Variants in PDE3B observed in about 807,000 individuals in gnomAD.
PDE3B encodes the protein phosphodiesterase 3B.
A neutral mutation model predicts 116.8 loss-of-function variants in PDE3B; 66 were observed. The ratio of observed to expected loss-of-function variants is 0.56; its 90% CI spans 0.46 to 0.69. The LOEUF is 0.69. Ranked by LOEUF, PDE3B falls within the 30% of genes least tolerant of loss-of-function variation. The probability of loss-of-function intolerance (pLI) is 0.00; values close to 1 mark genes in which losing one functional copy is unlikely to be tolerated. For synonymous variants in PDE3B, 595 were observed against 533.6 expected (o/e 1.12, Z -1.59); for missense variants, 1,384 against 1,368.1 (o/e 1.01, Z -0.18).
chr11:14,795,491 G>A (rs1858525240), intron 4 of PDE3B, among the ~76,000 whole-genome samples: 1 of 152,104 alleles, frequency 6.6e-6, no homozygotes, highest in African/African-American at 2.4e-5. Context: ...CTGGTGCTGG[G>A]CCAGGACATG....
Position 14,869,758 on chromosome 11 carries a change from C to A in PDE3B, c.*98C>A. ...CTAGTGTTCACCGGCTGACTCTCAA[C>A]TGACCATTCCCATGTGGACAGGCCT... is the stretch of plus-strand genomic sequence containing the variant. On this transcript the variant is annotated 3_prime_UTR_variant, in exon 16 of 16. Transcript: ENST00000282096. 1.1e-6 allele frequency: 1 copy of A among 938,422 alleles called. No homozygotes were observed. The highest frequency in any genetic ancestry group is 1.6e-6 in the Non-Finnish European group (1 of 616,706). The allele number at this position is 938,422 out of a possible 1,614,324, so 58.1% of individuals were successfully genotyped here.
At chr11:14,698,217 C>G (rs1161881094) in intron 1 of PDE3B, among the ~76,000 whole-genome samples, 1 of 151,516 alleles carries the variant, frequency 6.6e-6, no homozygotes, top group African/African-American at 2.4e-5. Flanking sequence ...CCTTCCATTC[C>G]TAGGTTACCA....
intron 5 of PDE3B, among the ~76,000 whole-genome samples, chr11:14,814,370 T>A (rs970836262): frequency 1.3e-5 from 2 of 152,168 alleles, no homozygotes; most frequent in African/African-American, 2.4e-5. Context: ...TAGAAGGCTC[T>A]AAAAATATAG....
chr11:14,793,699 G>A (rs183390339), intron 4 of PDE3B, among the ~76,000 whole-genome samples: 77 of 152,222 alleles, frequency 5.1e-4, no homozygotes, highest in Middle Eastern at 6.8e-3. Context: ...TACCCTGTGG[G>A]CTATCAATTA....
the PDE3B span, chr11:14,879,184 G>C: frequency 1.2e-6 from 2 of 1,613,258 alleles, no homozygotes; most frequent in Non-Finnish European, 1.7e-6. Flanking sequence ...GCTCAGGATG[G>C]AACACTTCTG....
chr11:14,845,644 A>C (rs1021397987), intron 12 of PDE3B, among the ~76,000 whole-genome samples: 1 of 152,250 alleles, frequency 6.6e-6, no homozygotes, highest in Admixed American at 6.5e-5. Flanking sequence ...AAGTGCTTAA[A>C]GGAGCTGATG....
At chr11:14,650,379 C>CT (rs1211534651) in intron 1 of PDE3B, among the ~76,000 whole-genome samples, 7 of 151,710 alleles carry the variant, frequency 4.6e-5, no homozygotes, top group East Asian at 3.9e-4. Context: ...ATTTTTGTAT[C>CT]TTTTTTTTGT....
intron 1 of PDE3B, among the ~76,000 whole-genome samples, chr11:14,718,168 CAAAG>C (rs1326239419): frequency 3.8e-5 from 4 of 105,690 alleles, no homozygotes; most frequent in South Asian, 3.9e-4. Flanking sequence ...TCAAAAGAGA[CAAAG>C]AAGGCCATTA....
intron 1 of PDE3B, among the ~76,000 whole-genome samples, chr11:14,714,990 T>A (rs1855834179): frequency 6.6e-6 from 1 of 152,142 alleles, no homozygotes; most frequent in Admixed American, 6.5e-5. Context: ...GCAAATGAAT[T>A]TTGATATTGC....
intron 1 of PDE3B, among the ~76,000 whole-genome samples, chr11:14,696,441 C>T (rs2133812244): frequency 6.6e-6 from 1 of 152,272 alleles, no homozygotes; most frequent in Non-Finnish European, 1.5e-5. Context: ...ATTTGCTTCA[C>T]ATTCTCAAGA....
intron 7 of PDE3B, among the ~76,000 whole-genome samples, chr11:14,824,023 C>T (rs2133955424): frequency 6.6e-6 from 1 of 152,298 alleles, no homozygotes; most frequent in South Asian, 2.1e-4. Flanking sequence ...CAGGGGCTAG[C>T]TAGTCCATAC....
At chr11:14,693,491 C>T (rs1855109014) in intron 1 of PDE3B, among the ~76,000 whole-genome samples, 1 of 152,148 alleles carries the variant, frequency 6.6e-6, no homozygotes, top group Non-Finnish European at 1.5e-5. Context: ...TAAGTTGATG[C>T]CAGTGCTCAT....
At chr11:14,680,707 A>G (rs1417597467) in intron 1 of PDE3B, among the ~76,000 whole-genome samples, 1 of 152,152 alleles carries the variant, frequency 6.6e-6, no homozygotes, top group East Asian at 1.9e-4. Flanking sequence ...TTTCAAGTTC[A>G]TGTGACTTAA....
intron 1 of PDE3B, among the ~76,000 whole-genome samples, chr11:14,660,644 C>A (rs1014990753): frequency 3.9e-5 from 6 of 151,984 alleles, no homozygotes. Flanking sequence ...TTATATTATT[C>A]TTTCTAATAT....
At chr11:14,750,634 T>A (rs1857036045) in intron 1 of PDE3B, among the ~76,000 whole-genome samples, 1 of 152,108 alleles carries the variant, frequency 6.6e-6, no homozygotes, top group African/African-American at 2.4e-5. Context: ...ATTGGTTTTC[T>A]CTGTTTTCTT....
intron 3 of PDE3B, among the ~76,000 whole-genome samples, chr11:14,786,969 A>G (rs1046212516): frequency 1.3e-5 from 2 of 152,082 alleles, no homozygotes; most frequent in Non-Finnish European, 2.9e-5. Context: ...AGGCTTGTAC[A>G]ACAAACTAGT....
chr11:14,788,162 C>G (rs1858268321), intron 3 of PDE3B, among the ~76,000 whole-genome samples: 1 of 151,740 alleles, frequency 6.6e-6, no homozygotes, highest in South Asian at 2.1e-4. Flanking sequence ...TATTAGAACT[C>G]TATATCGAAT....
chr11:14,770,753 T>C (rs1229590653), intron 1 of PDE3B, among the ~76,000 whole-genome samples: 1 of 151,588 alleles, frequency 6.6e-6, no homozygotes, highest in Non-Finnish European at 1.5e-5. Flanking sequence ...AAGAAATAGA[T>C]TTTTCCTCAG....
intron 2 of PDE3B, among the ~76,000 whole-genome samples, chr11:14,777,338 AG>A (rs1401813803): frequency 1.3e-5 from 2 of 152,360 alleles, no homozygotes; most frequent in East Asian, 3.9e-4. Context: ...TATCTGAAGA[AG>A]TAATGGCTGA....
Sources: allele counts gnomAD v4.1 joint callset (sites outside exome capture counted in the v4.1 genomes callset), GRCh38; gene constraint gnomAD v4.1.1; transcripts MANE v1.5; gene names NCBI Gene and HGNC (gene_info 2026-07-23, HGNC 2026-07-21).